The following FHOD3 variants were observed in gnomAD, a reference collection of about 807,000 sequenced individuals.
FHOD3 encodes the protein formin homology 2 domain containing 3, also known as FH1/FH2 domain-containing protein 3.
Under a neutral mutation model 173.0 loss-of-function variants are expected in FHOD3, and 90 were observed. The ratio of observed to expected loss-of-function variants is 0.52; its 90% confidence interval spans 0.44 to 0.62. The LOEUF is 0.62. Ranked by LOEUF, FHOD3 falls within the 20% of genes least tolerant of loss-of-function variation. FHOD3 has a pLI of 0.00. For synonymous variants in FHOD3, 828 were observed against 823.0 expected (o/e 1.01, Z -0.10); for missense variants, 1,945 against 2,034.7 (o/e 0.96, Z 0.85).
intron 1 of FHOD3, among the ~76,000 whole-genome samples, chr18:36,313,294 A>T (rs889592494): frequency 2.6e-5 from 4 of 152,178 alleles, no homozygotes; most frequent in South Asian, 4.1e-4. Flanking sequence ...CTTAAAAAAA[A>T]CCTTCATATT....
chr18:36,718,976 GA>G (rs1290118934), intron 19 of FHOD3, among the ~76,000 whole-genome samples: 1 of 152,140 alleles, frequency 6.6e-6, no homozygotes, highest in Non-Finnish European at 1.5e-5. Context: ...TAGCCCTGAG[GA>G]AAAGACAAAA....
chr18:36,436,975 G>A (rs2050840748), intron 3 of FHOD3, among the ~76,000 whole-genome samples: 1 of 152,170 alleles, frequency 6.6e-6, no homozygotes, highest in Non-Finnish European at 1.5e-5. Context: ...ACATATCTTA[G>A]CCCCTGCAAG....
At chr18:36,736,497 C>T (rs145754427) in intron 20 of FHOD3, among the ~76,000 whole-genome samples, 165 of 152,286 alleles carry the variant, frequency 1.1e-3, no homozygotes, top group African/African-American at 3.8e-3. Context: ...GTGAAAGTGG[C>T]TCTCAGCAAG....
intron 13 of FHOD3, among the ~76,000 whole-genome samples, chr18:36,657,584 A>C (rs1294153398): frequency 6.6e-6 from 1 of 152,250 alleles, no homozygotes; most frequent in East Asian, 1.9e-4. Flanking sequence ...ATCACTGAAC[A>C]TGTGATGGGA....
chr18:36,542,631 C>G (rs1369737769), intron 5 of FHOD3, among the ~76,000 whole-genome samples: 3 of 152,094 alleles, frequency 2.0e-5, no homozygotes, highest in Non-Finnish European at 4.4e-5. Flanking sequence ...CAGTTACTAT[C>G]TTAAAACACT....
intron 4 of FHOD3, among the ~76,000 whole-genome samples, chr18:36,507,943 T>C (rs185548853): frequency 7.2e-5 from 11 of 152,232 alleles, no homozygotes; most frequent in African/African-American, 2.2e-4. Context: ...TCACACCTGA[T>C]TGAGAGCTGG....
chr18:36,523,679 T>C (rs2056380811), intron 5 of FHOD3, among the ~76,000 whole-genome samples: 1 of 152,210 alleles, frequency 6.6e-6, no homozygotes, highest in Non-Finnish European at 1.5e-5. Flanking sequence ...CTGGAAATGC[T>C]GTAGCAGAGG....
chr18:36,474,283 CTCT>C (rs1207367301), intron 3 of FHOD3, among the ~76,000 whole-genome samples: 1 of 152,142 alleles, frequency 6.6e-6, no homozygotes, highest in East Asian at 1.9e-4. Context: ...GAACATGGCT[CTCT>C]TCTTTTTGTC....
At chr18:36,670,639 C>T (rs576180113) in intron 14 of FHOD3, among the ~76,000 whole-genome samples, 1 of 152,156 alleles carries the variant, frequency 6.6e-6, no homozygotes, top group Non-Finnish European at 1.5e-5. Context: ...CTAATTCTAT[C>T]ATCTGTGTCA....
At chr18:36,579,738 A>C (rs2058777742) in intron 6 of FHOD3, among the ~76,000 whole-genome samples, 1 of 152,220 alleles carries the variant, frequency 6.6e-6, no homozygotes, top group Non-Finnish European at 1.5e-5. Context: ...GGGCCCTCAC[A>C]GTCAGTGCCT....
chr18:36,605,539 T>A (rs902558268), intron 8 of FHOD3, among the ~76,000 whole-genome samples: 5 of 152,194 alleles, frequency 3.3e-5, no homozygotes, highest in Admixed American at 3.3e-4. Flanking sequence ...AATCCTTTCC[T>A]TAACTCATTT....
At chr18:36,308,755 G>A (rs1481006319) in intron 1 of FHOD3, among the ~76,000 whole-genome samples, 5 of 152,164 alleles carry the variant, frequency 3.3e-5, no homozygotes, top group Non-Finnish European at 5.9e-5. Flanking sequence ...CTGTTACATA[G>A]TAAGCCCCAA....
intron 5 of FHOD3, among the ~76,000 whole-genome samples, chr18:36,533,096 A>G (rs1254161359): frequency 2.6e-5 from 4 of 152,204 alleles, no homozygotes; most frequent in African/African-American, 4.8e-5. Flanking sequence ...TGGTGGGTCT[A>G]CTGGAGCTTC....
At chr18:36,573,218 G>A (rs1192663496) in intron 5 of FHOD3, among the ~76,000 whole-genome samples, 1 of 151,000 alleles carries the variant, frequency 6.6e-6, no homozygotes, top group African/African-American at 2.4e-5. Flanking sequence ...TTAGAAAGCT[G>A]GGAAAATAGG....
At chr18:36,653,610 G>A (rs1415507599) in intron 13 of FHOD3, among the ~76,000 whole-genome samples, 194 bp downstream of exon 13, 1 of 152,214 alleles carries the variant, frequency 6.6e-6, no homozygotes, top group African/African-American at 2.4e-5. Flanking sequence ...GATGAGGGCA[G>A]AGGGAGGTGT....
chr18:36,504,543 G>A (rs1313903597), intron 4 of FHOD3, among the ~76,000 whole-genome samples: 1 of 146,532 alleles, frequency 6.8e-6, no homozygotes, highest in Non-Finnish European at 1.5e-5. Context: ...ATTGAACAAT[G>A]AGAACACATG....
chr18:36,555,012 TTTTC>T (rs1389915437), intron 5 of FHOD3, among the ~76,000 whole-genome samples: 1 of 152,190 alleles, frequency 6.6e-6, no homozygotes, highest in African/African-American at 2.4e-5. Context: ...ACCAAATTGA[TTTTC>T]TTTGTTTCCT....
intron 5 of FHOD3, among the ~76,000 whole-genome samples, chr18:36,548,387 T>C (rs1488056070): frequency 6.6e-6 from 1 of 152,220 alleles, no homozygotes; most frequent in Non-Finnish European, 1.5e-5. Context: ...CCGTTGATTT[T>C]AAAACAGATG....
chr18:36,600,274 C>CACACAG (rs2031167257), intron 7 of FHOD3, among the ~76,000 whole-genome samples: 1 of 151,728 alleles, frequency 6.6e-6, no homozygotes, highest in Non-Finnish European at 1.5e-5. Flanking sequence ...CACACACACA[C>CACACAG]ACACACACAC....
Sources: allele counts gnomAD v4.1 joint callset (sites outside exome capture counted in the v4.1 genomes callset), GRCh38; gene constraint gnomAD v4.1.1; transcripts MANE v1.5; gene names NCBI Gene and HGNC (gene_info 2026-07-23, HGNC 2026-07-21).